LTBP1: variants seen among roughly 807,000 people sequenced by gnomAD.
The protein encoded by LTBP1 is latent-transforming growth factor beta-binding protein 1.
LTBP1 carries 129 observed loss-of-function variants against 207.6 expected under a neutral mutation model. The observed-to-expected ratio is 0.62, with a 90% CI of 0.54 to 0.72. LTBP1 has a LOEUF of 0.72. LTBP1 is among the 30% of genes least tolerant of loss of function. LTBP1 has a pLI of 0.00. For missense variants in LTBP1, 2,281 were observed against 2,217.2 expected, an observed-to-expected ratio of 1.03 and a Z score of -0.58; for synonymous variants, 963 against 833.7, an observed-to-expected ratio of 1.16 and a Z score of -2.67.
At position 33,273,662 on chromosome 2, in the gene LTBP1, A is replaced by G. The variant is rs769796613; in HGVS notation, c.2624A>G (p.Asn875Ser). The G allele has an allele frequency of 3.6e-5, 57 of 1,601,948 alleles. No individual in the cohort carries two copies. Among genetic ancestry groups the G allele is most frequent in the East Asian group, 1.1e-4 (5 of 44,316 alleles). Residue 875 changes from asparagine to serine, a missense_variant, in exon 16 of 34, where the codon AAT (asparagine) becomes AGT (serine). Asn to Ser is a conservative substitution (Grantham distance 46, BLOSUM62 1). Transcript: ENST00000404816. ...VIAPTQVTEI[N>S]ECTVNPDICG... The stretch of plus-strand genomic sequence containing the variant: ...ATTTTATTTACTTTTAAAGAAATCA[A>G]TGAATGTACTGTGAACCCTGATATC...
chr2:33,106,026 A>G (rs1253900898), intron 3 of LTBP1, among the ~76,000 whole-genome samples: 1 of 152,242 alleles, frequency 6.6e-6, no homozygotes, highest in African/African-American at 2.4e-5. Flanking sequence ...TGTCATTTCA[A>G]CAATGTTCAC....
Position 33,275,892 on chromosome 2 carries a change from G to A in LTBP1, c.2961G>A (p.Gly987=). Residue 987 remains glycine (G), a synonymous_variant, in exon 18 of 34, where the codon GGG becomes GGA. Coordinates refer to ENST00000404816, the MANE Select transcript of LTBP1 (RefSeq NM_206943.4). The part of the protein sequence containing the change: ...GAFRCEYCDS[G]YRMTQRGRCE... ...TCCGGTGTGAATACTGTGACAGCGG[G>A]TACCGCATGACTCAGAGAGGCCGTT... is the stretch of plus-strand genomic sequence containing the variant. 1 of 1,606,368 alleles carries A rather than the reference G, an allele frequency of 6.2e-7. No homozygotes were observed. The highest frequency in any genetic ancestry group is 8.5e-7 in the Non-Finnish European group (1 of 1,176,296).
intron 2 of LTBP1, among the ~76,000 whole-genome samples, chr2:33,015,923 A>G (rs1688313508): frequency 6.6e-6 from 1 of 152,140 alleles, no homozygotes; most frequent in South Asian, 2.1e-4. Context: ...CTATTGCAAG[A>G]ACGGCATGGA....
intron 25 of LTBP1, among the ~76,000 whole-genome samples, chr2:33,343,918 A>G (rs2094665785): frequency 6.6e-6 from 1 of 152,216 alleles, no homozygotes; most frequent in South Asian, 2.1e-4. Context: ...CAAATTCAAG[A>G]CTTTATAGAT....
intron 2 of LTBP1, among the ~76,000 whole-genome samples, chr2:32,977,055 C>A (rs1681906378): frequency 6.6e-6 from 1 of 152,182 alleles, no homozygotes; most frequent in Non-Finnish European, 1.5e-5. Flanking sequence ...GCCCTGCTGT[C>A]CGGGTGTTAT....
At chr2:33,210,457 A>G (rs954627457) in intron 7 of LTBP1, among the ~76,000 whole-genome samples, 1 of 152,154 alleles carries the variant, frequency 6.6e-6, no homozygotes, top group Non-Finnish European at 1.5e-5. Context: ...TTATAAAAAC[A>G]TTATCTCTTT....
At position 33,110,742 on chromosome 2, in the gene LTBP1, C is replaced by T. The variant is rs61751738; in HGVS notation, c.1024C>T (p.Pro342Ser). 6.8e-6 allele frequency: 11 copies of T among 1,613,812 alleles called. No homozygotes were observed. The highest frequency in any genetic ancestry group is 8.5e-6 in the Non-Finnish European group (10 of 1,179,866). ...LRYVQDQVAA[P>S]FQLSNHTGRI... ...ATATGTGCAGGATCAAGTTGCGGCA[C>T]CTTTTCAGCGTGAGTATAGTCTTAT... The change falls in exon 4 of 34, where the codon CCT (proline) becomes TCT (serine). Residue 342 changes from proline (P) to serine (S), a missense_variant. Coordinates refer to ENST00000404816, the MANE Select transcript of LTBP1 (RefSeq NM_206943.4).
intron 3 of LTBP1, among the ~76,000 whole-genome samples, chr2:33,109,357 A>T (rs2080256475): frequency 6.6e-6 from 1 of 152,230 alleles, no homozygotes; most frequent in African/African-American, 2.4e-5. Flanking sequence ...GGGTCAGATT[A>T]CATTAGAGAG....
chr2:33,175,767 G>T (rs1480351546), intron 5 of LTBP1, among the ~76,000 whole-genome samples: 1 of 152,086 alleles, frequency 6.6e-6, no homozygotes, highest in Non-Finnish European at 1.5e-5. Context: ...ATGGCCAACA[G>T]TGATAGACTG....
intron 2 of LTBP1, among the ~76,000 whole-genome samples, chr2:32,958,935 C>A (rs1678538107): frequency 6.6e-6 from 1 of 152,166 alleles, no homozygotes; most frequent in Admixed American, 6.6e-5. Context: ...TTCTGTTCAA[C>A]ATCATCATCT....
At chr2:33,318,916 A>G (rs1002381663) in intron 24 of LTBP1, among the ~76,000 whole-genome samples, 1 of 151,814 alleles carries the variant, frequency 6.6e-6, no homozygotes, top group Non-Finnish European at 1.5e-5. Flanking sequence ...GCAACATAGC[A>G]AGACTCTGTC....
intron 3 of LTBP1, among the ~76,000 whole-genome samples, chr2:33,039,360 A>G (rs933882192): frequency 6.6e-6 from 1 of 151,782 alleles, no homozygotes; most frequent in East Asian, 1.9e-4. Context: ...ACCTGTATAT[A>G]TTTTTTAAGC....
At chr2:33,156,200 G>T (rs1214112842) in intron 5 of LTBP1, among the ~76,000 whole-genome samples, 1 of 152,178 alleles carries the variant, frequency 6.6e-6, no homozygotes, top group Non-Finnish European at 1.5e-5. Flanking sequence ...CAAGACCACA[G>T]AGCAAGCAGG....
At chr2:33,206,779 T>C (rs2089917100) in intron 7 of LTBP1, among the ~76,000 whole-genome samples, 1 of 152,046 alleles carries the variant, frequency 6.6e-6, no homozygotes, top group Admixed American at 6.6e-5. Context: ...GATAGGCATT[T>C]ATGTTCATCA....
intron 1 of LTBP1, 37 bp downstream of exon 1, chr2:32,947,855 C>T (rs1676456750): frequency 2.4e-6 from 3 of 1,271,694 alleles, no homozygotes; most frequent in South Asian, 3.0e-5. Flanking sequence ...CCGCCCGCCT[C>T]GCGCGCACCG....
At chr2:33,225,671 A>G (rs2091392595) in intron 9 of LTBP1, among the ~76,000 whole-genome samples, 1 of 152,236 alleles carries the variant, frequency 6.6e-6, no homozygotes, top group Non-Finnish European at 1.5e-5. Flanking sequence ...GGGTGGGGAT[A>G]CAGCCAAATG....
At chr2:33,396,196 GTGTTT>G (rs1289918242) in intron 32 of LTBP1, among the ~76,000 whole-genome samples, 3 of 151,446 alleles carry the variant, frequency 2.0e-5, no homozygotes, top group African/African-American at 4.8e-5. Context: ...GTGTGTGTGT[GTGTTT>G]TGTTTTGTTT....
At chr2:33,036,307 G>T (rs1573224707) in intron 3 of LTBP1, among the ~76,000 whole-genome samples, 1 of 152,232 alleles carries the variant, frequency 6.6e-6, no homozygotes, top group Non-Finnish European at 1.5e-5. Flanking sequence ...GGAGGGGTCT[G>T]CACTTTGAGA....
chr2:32,962,744 A>G (rs1436223411), intron 2 of LTBP1, among the ~76,000 whole-genome samples: 1 of 152,252 alleles, frequency 6.6e-6, no homozygotes, highest in Non-Finnish European at 1.5e-5. Context: ...GAGTGCTTGA[A>G]TGGCACCTCA....
Sources: gnomAD v4.1 joint callset for allele counts (sites outside exome capture counted in the v4.1 genomes callset) on GRCh38, gnomAD v4.1.1 for gene constraint, MANE v1.5 for transcripts, NCBI Gene and HGNC (gene_info 2026-07-23, HGNC 2026-07-21) for gene names.